The following TMEM163 variants were observed in gnomAD, a reference collection of about 807,000 sequenced individuals.
TMEM163 encodes transmembrane protein 163.
In TMEM163, 17 loss-of-function variants were observed where a neutral mutation model predicts 29.3. The observed-to-expected ratio is 0.58, with a 90% confidence interval of 0.40 to 0.87. The LOEUF is 0.87. TMEM163 is among the 40% of genes least tolerant of loss of function. TMEM163 has a pLI of 0.00. For synonymous variants in TMEM163, 157 were observed against 160.6 expected (o/e 0.98, Z 0.17); for missense variants, 303 against 381.5 (o/e 0.79, Z 1.71).
chr2:134,509,458 G>A lies in TMEM163; in HGVS notation c.459-6461C>T, dbSNP rs117381363. ...CTTTGGTACCTGCACCAATCAATGC[G>A]CCATTTCCTTCCCTCCAGGGAGCCC... is the stretch of plus-strand genomic sequence containing the variant. On this transcript the variant is annotated intron_variant, in intron 4 of 7. Transcript: ENST00000281924. Among the ~76,000 whole-genome samples, 45 of 152,302 alleles carry A rather than the reference G, an allele frequency of 3.0e-4. 1 individual carries two copies. The East Asian group carries it at 6.6e-3, about 22-fold the overall frequency.
intron 2 of TMEM163, among the ~76,000 whole-genome samples, chr2:134,601,579 C>T (rs1352657234): frequency 1.3e-5 from 2 of 152,216 alleles, no homozygotes; most frequent in African/African-American, 2.4e-5. Context: ...TGTTCCTTCC[C>T]GGCCTGCCTC....
At chr2:134,688,841 A>G (rs1327458938) in intron 2 of TMEM163, among the ~76,000 whole-genome samples, 1 of 152,118 alleles carries the variant, frequency 6.6e-6, no homozygotes, top group East Asian at 1.9e-4. Flanking sequence ...CTTTGGAACT[A>G]TGGTATCCAC....
In TMEM163 at chr2:134,460,458, TAAGG is replaced by T. The variant is rs1686509767; in HGVS notation, c.668-2289_668-2286del. Among the ~76,000 whole-genome samples, 1 of 152,164 alleles carries T rather than the reference TAAGG, an allele frequency of 6.6e-6. No homozygotes were observed. Among genetic ancestry groups the T allele is most frequent in the South Asian group, 2.1e-4 (1 of 4,822 alleles). ...CCTCCTCTCACTGGAAACCTAAGCT[TAAGG>T]ACAGGAACTTTGTCTCTCCTTGCAG... On this transcript the variant is annotated intron_variant, in intron 6 of 7. Transcript: ENST00000281924. This position sits in a 1 kb window ranked among gnomAD's most constrained non-coding sequence, Gnocchi z 4.3.
At chr2:134,567,992 C>T (rs1430430875) in intron 2 of TMEM163, among the ~76,000 whole-genome samples, 1 of 152,164 alleles carries the variant, frequency 6.6e-6, no homozygotes, top group Non-Finnish European at 1.5e-5. Context: ...TAAAGGTTGC[C>T]ATCATATCCC....
At chr2:134,558,971 C>A (rs1266025530) in intron 2 of TMEM163, among the ~76,000 whole-genome samples, 2 of 152,208 alleles carry the variant, frequency 1.3e-5, no homozygotes, top group African/African-American at 4.8e-5. Flanking sequence ...AAATGGAGAA[C>A]CATCTTTCCA....
chr2:134,539,062 C>T (rs1004455680), intron 4 of TMEM163, among the ~76,000 whole-genome samples: 1 of 152,096 alleles, frequency 6.6e-6, no homozygotes, highest in Admixed American at 6.6e-5. Flanking sequence ...AAAAATAACC[C>T]CCATGTATTG....
intron 2 of TMEM163, among the ~76,000 whole-genome samples, chr2:134,699,314 G>T (rs1684646273): frequency 6.6e-6 from 1 of 152,134 alleles, no homozygotes; most frequent in Non-Finnish European, 1.5e-5. Context: ...GACCAGGCTG[G>T]CCAACATGGT....
chr2:134,620,670 T>C (rs1682711594), intron 2 of TMEM163, among the ~76,000 whole-genome samples: 1 of 152,214 alleles, frequency 6.6e-6, no homozygotes, highest in African/African-American at 2.4e-5. Context: ...GAAAAATCTT[T>C]CATTTATGGT....
chr2:134,495,596 G>T (rs1378330717), intron 5 of TMEM163, among the ~76,000 whole-genome samples: 1 of 152,150 alleles, frequency 6.6e-6, no homozygotes, highest in Non-Finnish European at 1.5e-5. Context: ...AAAGTTCTTG[G>T]CTGGGGGCTT....
intron 2 of TMEM163, among the ~76,000 whole-genome samples, chr2:134,672,974 A>G (rs1466632724): frequency 2.0e-5 from 3 of 152,080 alleles, no homozygotes; most frequent in Admixed American, 1.3e-4. Context: ...AGTTCCACTC[A>G]TGGCTAGTTT....
chr2:134,534,001 AC>A (rs1270911370), intron 4 of TMEM163, among the ~76,000 whole-genome samples: 3 of 152,154 alleles, frequency 2.0e-5, no homozygotes, highest in African/African-American at 7.2e-5. Context: ...ACATGCTGTC[AC>A]ATCACCCTGC....
chr2:134,713,534 G>T, intron 1 of TMEM163: 2 of 703,930 alleles, frequency 2.8e-6, no homozygotes, highest in East Asian at 2.9e-5. Flanking sequence ...AATATGGGCC[G>T]TGTATTTCTG....
chr2:134,465,434 G>T (rs1044276191), intron 6 of TMEM163, among the ~76,000 whole-genome samples: 18 of 152,164 alleles, frequency 1.2e-4, no homozygotes, highest in African/African-American at 4.3e-4. Flanking sequence ...ACATGCCCAG[G>T]AATAAATCAA....
In TMEM163 at chr2:134,536,286, C is replaced by T. The variant is rs536994327; in HGVS notation, c.458+14284G>A. On this transcript the variant is annotated intron_variant, in intron 4 of 7. Transcript: ENST00000281924. ...ACTTCCTTCTGGGCTGCAGGGAAAA[C>T]GAAAGGAGACTCTGCCCAAAAACCC... 1.2e-4 allele frequency among the ~76,000 whole-genome samples: 18 copies of T among 152,270 alleles called. No individual in the cohort carries two copies. In the East Asian group the frequency reaches 2.3e-3, roughly 20 times the overall value.
intron 2 of TMEM163, among the ~76,000 whole-genome samples, chr2:134,633,830 T>A (rs1683032167): frequency 1.3e-5 from 2 of 151,136 alleles, no homozygotes; most frequent in Admixed American, 1.3e-4. Context: ...GGTGTGGTGG[T>A]GTGCGCCTGC....
At chr2:134,456,804 C>A (rs771121916) in intron 7 of TMEM163, 28 bp from the exon 8 acceptor site, 1 of 1,611,240 alleles carries the variant, frequency 6.2e-7, no homozygotes, top group African/African-American at 1.3e-5. Flanking sequence ...GACAAGGTCA[C>A]CTCCATGGCA....
At chr2:134,660,498 G>A (rs1683722478) in intron 2 of TMEM163, among the ~76,000 whole-genome samples, 3 of 152,210 alleles carry the variant, frequency 2.0e-5, no homozygotes. Flanking sequence ...ATAGGTAGAA[G>A]CTCAGAGATC....
chr2:134,590,551 C>G (rs1272236696), intron 2 of TMEM163, among the ~76,000 whole-genome samples: 1 of 152,070 alleles, frequency 6.6e-6, no homozygotes, highest in East Asian at 1.9e-4. Flanking sequence ...GGATCTTGTG[C>G]AAGAAAGAAT....
intron 4 of TMEM163, among the ~76,000 whole-genome samples, chr2:134,521,003 CTT>C (rs56291030): frequency 2.0e-5 from 3 of 146,376 alleles, no homozygotes; most frequent in Non-Finnish European, 3.0e-5. Flanking sequence ...GCCTTGGGAA[CTT>C]TTTTTTTTTT....
Sources: allele counts gnomAD v4.1 joint callset (sites outside exome capture counted in the v4.1 genomes callset), GRCh38; gene constraint gnomAD v4.1.1; non-coding constraint Gnocchi (gnomAD v3.1); transcripts MANE v1.5; gene names NCBI Gene and HGNC (gene_info 2026-07-23, HGNC 2026-07-21).